Variants in PBX3 observed in about 807,000 individuals in gnomAD.
PBX3 encodes the protein pre-B-cell leukemia transcription factor 3.
PBX3 carries 14 observed loss-of-function variants against 48.5 expected under a neutral mutation model. The observed-to-expected ratio is 0.29, with a 90% CI of 0.19 to 0.45. The LOEUF is 0.45. PBX3 is among the 20% of genes least tolerant of loss of function. The pLI, the probability that PBX3 is intolerant of heterozygous loss-of-function variation, is 1.00. For synonymous variants in PBX3, 210 were observed against 200.3 expected (o/e 1.05, Z -0.41); for missense variants, 386 against 546.7 (o/e 0.71, Z 2.93).
intron 2 of PBX3, among the ~76,000 whole-genome samples, chr9:125,897,493 T>C (rs1185679681): frequency 6.6e-6 from 1 of 151,816 alleles, no homozygotes; most frequent in Non-Finnish European, 1.5e-5. Flanking sequence ...ATCACTATTA[T>C]CTCATTCTGG....
chr9:125,793,364 A>ATAT lies in PBX3; in HGVS notation c.274+44741_274+44742insTAT, dbSNP rs1263966407. On this transcript the variant is annotated intron_variant, in intron 2 of 8. Transcript: ENST00000373489. ...GAGACTCCATTTGGGGGGGAAAAAA[A>ATAT]AAATATATATATATATATATATATA... Among the ~76,000 whole-genome samples the ATAT allele has an allele frequency of 3.1e-3, 183 of 59,090 alleles. 1 individual carries two copies. The highest frequency in any genetic ancestry group is 8.8e-3 in the African/African-American group (162 of 18,392). 38.8% of individuals were successfully genotyped at this position (59,090 alleles called of 152,430 possible).
At chr9:125,918,831 C>T (rs183225052) in intron 3 of PBX3, among the ~76,000 whole-genome samples, 20 of 152,318 alleles carry the variant, frequency 1.3e-4, no homozygotes, top group Admixed American at 5.2e-4. Context: ...TGACCCAAAA[C>T]AGTCAACTTT....
intron 2 of PBX3, among the ~76,000 whole-genome samples, chr9:125,906,329 A>G (rs1471944144): frequency 6.6e-6 from 1 of 152,052 alleles, no homozygotes; most frequent in African/African-American, 2.4e-5. Flanking sequence ...CTAGCATGCT[A>G]TTTTGAGCAG....
At chr9:125,817,548 C>T (rs1838502319) in intron 2 of PBX3, among the ~76,000 whole-genome samples, 1 of 152,162 alleles carries the variant, frequency 6.6e-6, no homozygotes, top group South Asian at 2.1e-4. Context: ...TGCTGAGTTG[C>T]ACAACTCCAG....
chr9:125,901,417 T>G (rs1840942808), intron 2 of PBX3, among the ~76,000 whole-genome samples: 1 of 151,732 alleles, frequency 6.6e-6, no homozygotes, highest in South Asian at 2.1e-4. Flanking sequence ...TATATAGCAG[T>G]TCTACTTCAA....
At chr9:125,902,080 G>GTT (rs139470100) in intron 2 of PBX3, among the ~76,000 whole-genome samples, 1 of 147,608 alleles carries the variant, frequency 6.8e-6, no homozygotes. Context: ...ACAACTTGTG[G>GTT]TTTTTTTTTT....
chr9:125,858,446 A>G (rs778291646), intron 2 of PBX3, among the ~76,000 whole-genome samples: 8 of 152,218 alleles, frequency 5.3e-5, no homozygotes, highest in Non-Finnish European at 4.4e-5. Flanking sequence ...GTAAAAGGTA[A>G]CAAGGGGATT....
chr9:125,914,678 T>A (rs1841286548), intron 2 of PBX3, among the ~76,000 whole-genome samples: 1 of 152,348 alleles, frequency 6.6e-6, no homozygotes, highest in Middle Eastern at 3.4e-3. Context: ...CCAAGAAGCC[T>A]TGTAACTAGT....
chr9:125,750,439 T>TTACTTGCACAGGAC (rs1190211741), intron 2 of PBX3, among the ~76,000 whole-genome samples: 1 of 152,248 alleles, frequency 6.6e-6, no homozygotes, highest in Non-Finnish European at 1.5e-5. Context: ...GCATAAGTCC[T>TTACTTGCACAGGAC]TTAGTTGCTT....
chr9:125,939,722 C>T (rs941752666), intron 5 of PBX3, among the ~76,000 whole-genome samples: 4 of 152,148 alleles, frequency 2.6e-5, no homozygotes, highest in African/African-American at 9.7e-5. Context: ...TATAATCCCA[C>T]AATGGAGCAC....
intron 2 of PBX3, among the ~76,000 whole-genome samples, chr9:125,806,435 C>T (rs367831336): frequency 1.3e-5 from 2 of 152,224 alleles, no homozygotes; most frequent in South Asian, 4.1e-4. Flanking sequence ...CAAGATGCTG[C>T]CAGGTTCGGT....
At chr9:125,907,812 C>A (rs867283182) in intron 2 of PBX3, among the ~76,000 whole-genome samples, 2 of 152,202 alleles carry the variant, frequency 1.3e-5, no homozygotes, top group Middle Eastern at 3.4e-3. Flanking sequence ...TAAAGAGAGA[C>A]CCGTGTTTAA....
At chr9:125,751,186 G>A (rs1836365892) in intron 2 of PBX3, among the ~76,000 whole-genome samples, 1 of 152,130 alleles carries the variant, frequency 6.6e-6, no homozygotes, top group African/African-American at 2.4e-5. Flanking sequence ...AGTCATTTAT[G>A]AATAGAAACC....
intron 3 of PBX3, among the ~76,000 whole-genome samples, chr9:125,927,547 G>T (rs1278447536): frequency 6.6e-6 from 1 of 152,164 alleles, no homozygotes; most frequent in Non-Finnish European, 1.5e-5. Context: ...AACATGTCTT[G>T]CATTGATCAG....
chr9:125,930,563 T>C (rs935016450), intron 4 of PBX3, among the ~76,000 whole-genome samples: 1 of 152,232 alleles, frequency 6.6e-6, no homozygotes, highest in African/African-American at 2.4e-5. Flanking sequence ...TCTATTTTGT[T>C]TTTCTTTCTT....
intron 2 of PBX3, among the ~76,000 whole-genome samples, chr9:125,882,145 G>T (rs189249756): frequency 1.9e-4 from 29 of 152,166 alleles, no homozygotes; most frequent in Admixed American, 1.7e-3. Context: ...TGGGAGGGTT[G>T]CTTGAACCCA....
At chr9:125,793,777 A>G (rs996349813) in intron 2 of PBX3, among the ~76,000 whole-genome samples, 1 of 152,176 alleles carries the variant, frequency 6.6e-6, no homozygotes, top group Non-Finnish European at 1.5e-5. Context: ...TGCAGTTGGG[A>G]TAATGAACAT....
intron 2 of PBX3, among the ~76,000 whole-genome samples, chr9:125,762,661 G>A (rs747976446): frequency 1.3e-5 from 2 of 152,176 alleles, no homozygotes; most frequent in Non-Finnish European, 2.9e-5. Flanking sequence ...CTTATTGGCC[G>A]CTGTGTTAAG....
chr9:125,920,076 G>A (rs1420159084), intron 3 of PBX3, among the ~76,000 whole-genome samples: 1 of 152,112 alleles, frequency 6.6e-6, no homozygotes, highest in African/African-American at 2.4e-5. Flanking sequence ...TTAGGGTAAG[G>A]TTCTTGAATA....
Sources: gnomAD v4.1 joint callset for allele counts (sites outside exome capture counted in the v4.1 genomes callset) on GRCh38, gnomAD v4.1.1 for gene constraint, MANE v1.5 for transcripts, NCBI Gene and HGNC (gene_info 2026-07-23, HGNC 2026-07-21) for gene names.